The following NFATC3 variants were observed in gnomAD, a reference collection of about 807,000 sequenced individuals.
NFATC3 encodes the protein nuclear factor of activated T-cells, cytoplasmic 3.
NFATC3 carries 46 observed loss-of-function variants against 98.6 expected under a neutral mutation model. That is an observed-to-expected ratio of 0.47 (90% confidence interval 0.37 to 0.60). NFATC3 has a LOEUF of 0.60. Ranked by LOEUF, NFATC3 falls within the 20% of genes least tolerant of loss-of-function variation. The pLI is 0.00. For synonymous variants in NFATC3, 512 were observed against 472.2 expected (o/e 1.08, Z -1.09); for missense variants, 1,256 against 1,295.5 (o/e 0.97, Z 0.47).
In NFATC3 at chr16:68,085,445, AG is replaced by A. The variant is rs1435200156; in HGVS notation, c.-236del. 2 of 374,832 alleles carry A rather than the reference AG, an allele frequency of 5.3e-6. No homozygotes were observed. Among genetic ancestry groups the A allele is most frequent in the Non-Finnish European group, 9.6e-6 (2 of 207,740 alleles). 23.2% of individuals were successfully genotyped at this position (374,832 alleles called of 1,614,324 possible). On this transcript the variant is annotated 5_prime_UTR_variant, in exon 1 of 10. In the 5' UTR this introduces an upstream ATG that the reference lacks. Coordinates refer to ENST00000346183, the MANE Select transcript of NFATC3 (RefSeq NM_173165.3). The stretch of plus-strand genomic sequence containing the variant: ...GGCGGGGAACATTGGCTAAGCCGAC[AG>A]TGGAGGCTTAGGCACCGGTGGCGGG...
rs781196770 is a variant in NFATC3, at chr16:68,190,763, T to C, written c.2099-5T>C. On this transcript the variant is annotated splice_region_variant and splice_polypyrimidine_tract_variant and intron_variant, in intron 8 of 9. Coordinates refer to ENST00000346183, the MANE Select transcript of NFATC3 (RefSeq NM_173165.3). ...TAATATTTGCTTTAATCATTTTCTT[T>C]TCAGTTTTGATGAAGCAAGAACACA... is the stretch of plus-strand genomic sequence containing the variant. 3 of 1,586,706 alleles carry C rather than the reference T, an allele frequency of 1.9e-6. No homozygotes were observed. The highest frequency in any genetic ancestry group is 1.7e-6 in the Non-Finnish European group (2 of 1,166,640).
intron 9 of NFATC3, among the ~76,000 whole-genome samples, chr16:68,193,336 G>A (rs2040526427): frequency 6.6e-6 from 1 of 152,118 alleles, no homozygotes; most frequent in Admixed American, 6.6e-5. Flanking sequence ...AGGACCGCCT[G>A]TGTACAACCA....
At chr16:68,205,264 C>T (rs2041097281) in intron 9 of NFATC3, among the ~76,000 whole-genome samples, 1 of 151,888 alleles carries the variant, frequency 6.6e-6, no homozygotes, top group African/African-American at 2.4e-5. Context: ...GGTGGGGGAA[C>T]GGAGACAGGA....
intron 9 of NFATC3, among the ~76,000 whole-genome samples, chr16:68,219,036 A>AAGTTCGAGACCAGC (rs1252282762): frequency 6.6e-6 from 1 of 151,852 alleles, no homozygotes; most frequent in African/African-American, 2.4e-5. Flanking sequence ...TTGAGGCCAG[A>AAGTTCGAGACCAGC]AGTTCGAGAC....
intron 3 of NFATC3, among the ~76,000 whole-genome samples, chr16:68,139,566 T>G (rs1598429678): frequency 6.6e-6 from 1 of 152,352 alleles, no homozygotes; most frequent in South Asian, 2.1e-4. Flanking sequence ...CCTGTTATTC[T>G]GCAAAGGAGA....
intron 2 of NFATC3, among the ~76,000 whole-genome samples, chr16:68,125,665 CAG>C (rs1435058408): frequency 1.3e-5 from 2 of 152,056 alleles, no homozygotes; most frequent in Non-Finnish European, 2.9e-5. Context: ...CATCCTGACA[CAG>C]AGAGAGATGT....
Position 68,190,892 on chromosome 16 carries a change from G to A in NFATC3, c.2223G>A (p.Leu741=). The A allele has an allele frequency of 6.2e-7, 1 of 1,614,214 alleles. No individual in the cohort carries two copies. Residue 741 remains leucine, a synonymous_variant, in exon 9 of 10, where the codon CTG becomes CTA. Transcript: ENST00000346183. ...SDSGCSHDSV[L]SGQRSLICSI... ...CAGGGTGTTCACATGACAGTGTACT[G>A]TCAGGACAGAGAAGTTTGATTTGCT...
intron 4 of NFATC3, among the ~76,000 whole-genome samples, chr16:68,163,620 G>A (rs1158056961): frequency 6.6e-6 from 1 of 151,616 alleles, no homozygotes; most frequent in Non-Finnish European, 1.5e-5. Context: ...CGGCTGCCGG[G>A]CGGATGGGCT....
intron 1 of NFATC3, among the ~76,000 whole-genome samples, chr16:68,116,106 T>C (rs1255415082): frequency 1.3e-5 from 2 of 152,140 alleles, no homozygotes; most frequent in African/African-American, 4.8e-5. Context: ...AGATAGTATA[T>C]AAATGAATGA....
At chr16:68,138,860 C>A in intron 3 of NFATC3, 3 of 1,076,506 alleles carry the variant, frequency 2.8e-6, no homozygotes, top group South Asian at 3.4e-5. Context: ...CTAATACGGG[C>A]TCTAGAGCCA....
chr16:68,107,954 G>A (rs1329909515), intron 1 of NFATC3, among the ~76,000 whole-genome samples: 3 of 136,564 alleles, frequency 2.2e-5, no homozygotes, highest in Non-Finnish European at 4.7e-5. Context: ...TAAGTTTCTT[G>A]TAGACTCTGG....
At chr16:68,106,256 C>G (rs558597301) in intron 1 of NFATC3, among the ~76,000 whole-genome samples, 6 of 151,772 alleles carry the variant, frequency 4.0e-5, no homozygotes, top group Admixed American at 3.3e-4. Flanking sequence ...AATCCACTTA[C>G]GTTGTGCTAA....
chr16:68,120,779 C>T (rs1293845773), intron 1 of NFATC3, among the ~76,000 whole-genome samples: 1 of 151,922 alleles, frequency 6.6e-6, no homozygotes, highest in African/African-American at 2.4e-5. Context: ...TTGGAACTCT[C>T]CTACCTTTGA....
chr16:68,170,795 G>A (rs1353306144), intron 5 of NFATC3, among the ~76,000 whole-genome samples: 1 of 151,882 alleles, frequency 6.6e-6, no homozygotes, highest in Non-Finnish European at 1.5e-5. Context: ...GCCCGGCCTC[G>A]ATTTTCTTTT....
intron 3 of NFATC3, 77 bp downstream of exon 3, chr16:68,126,687 TAG>T (rs2036850587): frequency 1.4e-6 from 2 of 1,448,530 alleles, no homozygotes; most frequent in Non-Finnish European, 1.9e-6. Context: ...AGTTAGGTAC[TAG>T]AGAGTGCAAA....
intron 4 of NFATC3, among the ~76,000 whole-genome samples, chr16:68,160,932 G>A (rs1003378709): frequency 4.0e-5 from 6 of 149,516 alleles, no homozygotes; most frequent in Non-Finnish European, 7.4e-5. Flanking sequence ...CAGTCCACCC[G>A]CTTTAGCCTC....
At chr16:68,131,557 C>T (rs2037114411) in intron 3 of NFATC3, among the ~76,000 whole-genome samples, 1 of 152,018 alleles carries the variant, frequency 6.6e-6, no homozygotes, top group South Asian at 2.1e-4. Flanking sequence ...GGATTAGAGG[C>T]GTGAGCCACT....
intron 9 of NFATC3, among the ~76,000 whole-genome samples, chr16:68,208,227 G>C (rs915332652): frequency 6.6e-6 from 1 of 151,664 alleles, no homozygotes; most frequent in Non-Finnish European, 1.5e-5. Context: ...ATTAGAGATG[G>C]GGTTTCTCCA....
At chr16:68,202,283 A>G (rs192549851) in intron 9 of NFATC3, among the ~76,000 whole-genome samples, 1 of 152,236 alleles carries the variant, frequency 6.6e-6, no homozygotes, top group East Asian at 1.9e-4. Context: ...AGTAGTAAAC[A>G]GGGACTCTAG....
Sources: allele counts gnomAD v4.1 joint callset (sites outside exome capture counted in the v4.1 genomes callset), GRCh38; gene constraint gnomAD v4.1.1; transcripts MANE v1.5; gene names NCBI Gene and HGNC (gene_info 2026-07-23, HGNC 2026-07-21).